PDE6A: variants seen among roughly 807,000 people sequenced by gnomAD.
PDE6A encodes phosphodiesterase 6A.
A neutral mutation model predicts 106.3 loss-of-function variants in PDE6A; 84 were observed. The observed-to-expected ratio is 0.79, with a 90% CI of 0.66 to 0.95. The LOEUF (loss-of-function observed/expected upper bound fraction) is 0.95. Among genes scored for constraint, PDE6A ranks in the 40% least tolerant of loss-of-function variants. The probability of loss-of-function intolerance (pLI) is 0.00; values close to 1 mark genes in which losing one functional copy is unlikely to be tolerated. For synonymous variants in PDE6A, 394 were observed against 386.6 expected (o/e 1.02, Z -0.23); for missense variants, 1,052 against 1,084.9 (o/e 0.97, Z 0.43).
intron 1 of PDE6A, among the ~76,000 whole-genome samples, chr5:149,936,690 G>C (rs904042764): frequency 4.6e-5 from 7 of 152,148 alleles, no homozygotes; most frequent in African/African-American, 1.7e-4. Context: ...CATATAAAGT[G>C]TTCTAAACAA....
chr5:149,892,315 C>CA (rs927715876), intron 13 of PDE6A, among the ~76,000 whole-genome samples: 41 of 145,948 alleles, frequency 2.8e-4, no homozygotes, highest in East Asian at 2.4e-3. Context: ...GAGCTCAAAT[C>CA]AAAAAAAAAA....
chr5:149,925,905 T>C (rs1021445519), intron 4 of PDE6A, among the ~76,000 whole-genome samples: 2 of 152,002 alleles, frequency 1.3e-5, no homozygotes, highest in African/African-American at 2.4e-5. Context: ...TTTATAAACA[T>C]ACTGAAATTA....
intron 17 of PDE6A, among the ~76,000 whole-genome samples, chr5:149,881,935 C>T (rs904149251): frequency 6.6e-6 from 1 of 150,722 alleles, no homozygotes; most frequent in Non-Finnish European, 1.5e-5. Context: ...GCCTGTAGTC[C>T]CAACTACTAA....
chr5:149,867,549 T>C, intron 19 of PDE6A, 176 bp downstream of exon 19: 2 of 685,070 alleles, frequency 2.9e-6, no homozygotes, highest in South Asian at 1.6e-5. Context: ...ATACCTAACA[T>C]GTTCTCAAGT....
intron 13 of PDE6A, among the ~76,000 whole-genome samples, chr5:149,891,441 G>A (rs887215639): frequency 1.2e-4 from 19 of 152,212 alleles, no homozygotes; most frequent in Non-Finnish European, 2.1e-4. Context: ...CTGTACTCCA[G>A]CCTGGGCGAC....
chr5:149,916,158 A>G (rs981024925), intron 5 of PDE6A, among the ~76,000 whole-genome samples: 4 of 152,046 alleles, frequency 2.6e-5, no homozygotes, highest in Non-Finnish European at 4.4e-5. Context: ...TTTTTATAAA[A>G]CCGTCTACCT....
intron 1 of PDE6A, 28 bp from the exon 2 acceptor site, chr5:149,934,746 C>G (rs377405738): frequency 6.2e-7 from 1 of 1,612,628 alleles, no homozygotes; most frequent in Non-Finnish European, 8.5e-7. Context: ...TAAGCACGGA[C>G]AGGCAAATGA....
intron 17 of PDE6A, among the ~76,000 whole-genome samples, chr5:149,873,632 A>G (rs1382566151): frequency 6.6e-6 from 1 of 152,108 alleles, no homozygotes; most frequent in Non-Finnish European, 1.5e-5. Flanking sequence ...ACGCCTGGCC[A>G]TGAAATATTA....
chr5:149,870,770 G>GAAAAAAAAAAAAAAAAAAAAAAAAGAA (rs1760505369), intron 17 of PDE6A, among the ~76,000 whole-genome samples: 1 of 58,462 alleles, frequency 1.7e-5, no homozygotes, highest in Non-Finnish European at 3.2e-5. Flanking sequence ...GGAACACAGG[G>GAAAAAAAAAAAAAAAAAAAAAAAAGAA]CAAAAAAAAA....
chr5:149,900,590 A>G (rs1328910282), intron 8 of PDE6A, among the ~76,000 whole-genome samples: 1 of 151,680 alleles, frequency 6.6e-6, no homozygotes, highest in Non-Finnish European at 1.5e-5. Context: ...GAAGTCAAGG[A>G]AGGCTTCCTG....
intron 19 of PDE6A, 73 bp from the exon 20 acceptor site, chr5:149,866,326 C>A: frequency 9.1e-7 from 1 of 1,096,044 alleles, no homozygotes; most frequent in South Asian, 1.3e-5. Context: ...AGCATTCTTA[C>A]TAAAATCAAA....
intron 17 of PDE6A, among the ~76,000 whole-genome samples, chr5:149,873,241 G>T (rs1760623643): frequency 6.6e-6 from 1 of 152,122 alleles, no homozygotes; most frequent in African/African-American, 2.4e-5. Flanking sequence ...ACCCATGAAA[G>T]TCAGAATGTG....
chr5:149,887,574 C>G (rs547897760), intron 13 of PDE6A, among the ~76,000 whole-genome samples: 1 of 152,082 alleles, frequency 6.6e-6, no homozygotes, highest in Non-Finnish European at 1.5e-5. Context: ...CCCAACTGCA[C>G]CATTTTGTAA....
intron 4 of PDE6A, among the ~76,000 whole-genome samples, chr5:149,927,486 C>T (rs1753896516): frequency 2.0e-5 from 3 of 152,084 alleles, no homozygotes. Flanking sequence ...CATCATAGCT[C>T]ACTGCAGATT....
rs149342865 is a variant in PDE6A, at chr5:149,937,531, C to T, written c.475-2813G>A. Among the ~76,000 whole-genome samples the T allele has an allele frequency of 2.0e-3, 298 of 152,220 alleles. 1 individual carries two copies. The highest frequency in any genetic ancestry group is 6.9e-3 in the African/African-American group (288 of 41,526). On this transcript the variant is annotated intron_variant, in intron 1 of 21. Coordinates refer to ENST00000255266, the MANE Select transcript of PDE6A (RefSeq NM_000440.3). ...AATCTGAAACAACAGGGGCGTACCA[C>T]CATGCCCGACTAATTTTTGTATTTT...
rs1019409292 is a variant in PDE6A at position 149,863,102 on chromosome 5, T to C, written c.2506+17A>G. 2.5e-6 allele frequency: 4 copies of C among 1,614,068 alleles called. No homozygotes were observed. In the African/African-American group the frequency reaches 4.0e-5, roughly 16 times the overall value. On this transcript the variant is annotated intron_variant, in intron 21 of 21. Coordinates refer to ENST00000255266, the MANE Select transcript of PDE6A (RefSeq NM_000440.3). This position sits in a 1 kb window ranked among gnomAD's most constrained non-coding sequence, Gnocchi z 4.7. Reference sequence around the variant, plus strand: ...GGAGTGGGGTGGTGGGAGTCCCTGCTTCCCCCTTCCACAAACCTGACTTGG... The same window carrying C: ...GGAGTGGGGTGGTGGGAGTCCCTGCCTCCCCCTTCCACAAACCTGACTTGG...
chr5:149,941,125 G>T (rs1754317302), intron 1 of PDE6A, among the ~76,000 whole-genome samples: 1 of 152,194 alleles, frequency 6.6e-6, no homozygotes, highest in Middle Eastern at 3.2e-3. Flanking sequence ...CAGTGTTAAA[G>T]AAATTATTGC....
intron 17 of PDE6A, among the ~76,000 whole-genome samples, chr5:149,873,657 T>TC (rs1175795474): frequency 3.3e-5 from 5 of 152,068 alleles, no homozygotes; most frequent in African/African-American, 9.7e-5. Flanking sequence ...GTTGACTTTT[T>TC]CCCCCAACCA....
rs560080125 is a variant in PDE6A at position 149,881,843 on chromosome 5, C to T, written c.2135+1586G>A. ...CCAAGGAGGGTGGATGGCTTAAGCTCAGGAGTTCAAAACCAGCCTAGGCAA... is the reference window on the plus strand; with the variant it reads ...CCAAGGAGGGTGGATGGCTTAAGCTTAGGAGTTCAAAACCAGCCTAGGCAA... On this transcript the variant is annotated intron_variant, in intron 17 of 21. Coordinates refer to ENST00000255266, the MANE Select transcript of PDE6A (RefSeq NM_000440.3). Among the ~76,000 whole-genome samples, 3 of 152,190 alleles carry T rather than the reference C, an allele frequency of 2.0e-5. No homozygotes were observed. In the East Asian group the frequency reaches 5.8e-4, roughly 29 times the overall value.
Sources: gnomAD v4.1 joint callset for allele counts (sites outside exome capture counted in the v4.1 genomes callset) on GRCh38, gnomAD v4.1.1 for gene constraint, Gnocchi (gnomAD v3.1) non-coding constraint, MANE v1.5 for transcripts, NCBI Gene and HGNC (gene_info 2026-07-23, HGNC 2026-07-21) for gene names.